The following GUCA1C variants were observed in gnomAD, a reference collection of about 807,000 sequenced individuals.
GUCA1C encodes guanylate cyclase activator 1C, also known as guanylyl cyclase-activating protein 3.
GUCA1C carries 15 observed loss-of-function variants against 16.2 expected under a neutral mutation model. That is an observed-to-expected ratio of 0.93 (90% CI 0.62 to 1.43). GUCA1C has a LOEUF of 1.43. GUCA1C is among the 40% of genes most tolerant of loss of function. GUCA1C has a pLI of 0.00. For missense variants in GUCA1C, 275 were observed against 244.8 expected (o/e 1.12, Z -0.82); for synonymous variants, 78 against 85.4 (o/e 0.91, Z 0.48).
chr3:108,946,877 C>T (rs988854453), intron 1 of GUCA1C, among the ~76,000 whole-genome samples: 1 of 98,622 alleles, frequency 1.0e-5, no homozygotes, highest in African/African-American at 3.9e-5. Flanking sequence ...GATCCTAGCT[C>T]AAATCAAGAA....
chr3:108,912,516 T>C (rs1311432869), intron 3 of GUCA1C, among the ~76,000 whole-genome samples: 1 of 152,024 alleles, frequency 6.6e-6, no homozygotes, highest in African/African-American at 2.4e-5. Flanking sequence ...ACTAATTTGT[T>C]AAATTATAAC....
intron 1 of GUCA1C, among the ~76,000 whole-genome samples, chr3:108,946,891 G>GAAAA (rs10607933): frequency 2.1e-5 from 2 of 96,390 alleles, no homozygotes; most frequent in Non-Finnish European, 4.1e-5. Flanking sequence ...TCAAGAATCT[G>GAAAA]AAAAAAAAAA....
chr3:108,916,858 T>C (rs887024216), intron 2 of GUCA1C, among the ~76,000 whole-genome samples: 5 of 152,188 alleles, frequency 3.3e-5, no homozygotes, highest in African/African-American at 1.2e-4. Context: ...GACATAGAAC[T>C]TCAAAATAAA....
At chr3:108,908,430 T>G (rs1213706046) in intron 3 of GUCA1C, among the ~76,000 whole-genome samples, 1 of 152,080 alleles carries the variant, frequency 6.6e-6, no homozygotes, top group African/African-American at 2.4e-5. Flanking sequence ...TTTTTACGTT[T>G]AGTTGAAAAC....
rs1257783341 is a variant in GUCA1C at position 108,943,976 on chromosome 3, A to G, written c.204+9583T>C. On this transcript the variant is annotated intron_variant, in intron 1 of 3. Coordinates refer to ENST00000261047, the MANE Select transcript of GUCA1C (RefSeq NM_005459.4). The stretch of plus-strand genomic sequence containing the variant: ...CCAATAACTTATAGAAAAAATTTTT[A>G]ATTAAATAAATAAATATAATGATAA... Among the ~76,000 whole-genome samples, 5 of 152,146 alleles carry G rather than the reference A, an allele frequency of 3.3e-5. No homozygotes were observed. In the East Asian group the frequency reaches 9.6e-4, roughly 29 times the overall value.
intron 1 of GUCA1C, among the ~76,000 whole-genome samples, chr3:108,949,006 C>A (rs1477820498): frequency 6.6e-6 from 1 of 152,056 alleles, no homozygotes; most frequent in African/African-American, 2.4e-5. Context: ...CACCACCACG[C>A]CCGGCTAATT....
intron 2 of GUCA1C, among the ~76,000 whole-genome samples, chr3:108,920,060 C>T (rs76378838): frequency 0.017 from 2,540 of 152,244 alleles, 84 homozygotes; most frequent in African/African-American, 0.059. Flanking sequence ...TCCTCACATA[C>T]CTTCATTCTT....
intron 1 of GUCA1C, among the ~76,000 whole-genome samples, chr3:108,951,906 C>T (rs1946899803): frequency 6.6e-6 from 1 of 152,184 alleles, no homozygotes; most frequent in Non-Finnish European, 1.5e-5. Context: ...GACAGCAGAT[C>T]CTTGCTTCCA....
chr3:108,940,308 G>C (rs1391054049), intron 1 of GUCA1C, among the ~76,000 whole-genome samples: 1 of 152,166 alleles, frequency 6.6e-6, no homozygotes, highest in African/African-American at 2.4e-5. Flanking sequence ...ACCCAGTACA[G>C]CGTTATAGGT....
At chr3:108,911,715 T>C (rs1407893643) in intron 3 of GUCA1C, among the ~76,000 whole-genome samples, 5 of 152,210 alleles carry the variant, frequency 3.3e-5, no homozygotes, top group Non-Finnish European at 7.4e-5. Context: ...CTTTTCACAA[T>C]ATTCCAGTCT....
intron 1 of GUCA1C, among the ~76,000 whole-genome samples, chr3:108,953,249 T>C (rs986632990): frequency 9.2e-5 from 14 of 152,214 alleles, no homozygotes; most frequent in Admixed American, 3.9e-4. Flanking sequence ...TAAATCAATC[T>C]GTACTTATTA....
chr3:108,920,644 T>G (rs1946561756), intron 1 of GUCA1C, 59 bp from the exon 2 acceptor site: 2 of 996,340 alleles, frequency 2.0e-6, no homozygotes, highest in East Asian at 2.6e-5. Flanking sequence ...TGTTTTTTAT[T>G]TGAGAACTCA....
At chr3:108,952,646 T>A (rs928024640) in intron 1 of GUCA1C, among the ~76,000 whole-genome samples, 16 of 152,148 alleles carry the variant, frequency 1.1e-4, no homozygotes, top group African/African-American at 2.2e-4. Context: ...GTTTTTTTTT[T>A]AATTTTACTC....
chr3:108,909,344 T>TACAATCG (rs1395691905), intron 3 of GUCA1C, among the ~76,000 whole-genome samples: 7 of 152,190 alleles, frequency 4.6e-5, no homozygotes, highest in African/African-American at 1.7e-4. Context: ...ACAGAAAAGG[T>TACAATCG]ACAATCGTAG....
rs147236866 is a variant in GUCA1C at position 108,920,518 on chromosome 3, T to A, written c.272A>T (p.Gln91Leu). The A allele has an allele frequency of 1.1e-4, 175 of 1,595,050 alleles. 2 individuals are homozygous for A. In the Middle Eastern group the frequency reaches 1.9e-3, roughly 17 times the overall value. Residue 91 changes from glutamine to leucine, a missense_variant, in exon 2 of 4, where the codon CAA (glutamine) becomes CTA (leucine). Gln to Leu is a moderately radical substitution (Grantham distance 113, BLOSUM62 -2). Transcript: ENST00000261047. ...CAGCTTAAAATACCATTTTAATTTT[T>A]GCTCCATTTTTTCTTGCATGATTAG... ...VNLIMQEKME[Q>L]KLKWYFKLYD...
At chr3:108,917,826 A>G (rs1946532576) in intron 2 of GUCA1C, among the ~76,000 whole-genome samples, 1 of 152,116 alleles carries the variant, frequency 6.6e-6, no homozygotes, top group Admixed American at 6.5e-5. Context: ...TGGGCGGATC[A>G]CGAGGTCAGG....
chr3:108,941,141 C>T (rs370895409), intron 1 of GUCA1C, among the ~76,000 whole-genome samples: 1 of 152,128 alleles, frequency 6.6e-6, no homozygotes, highest in Non-Finnish European at 1.5e-5. Flanking sequence ...TGTAGGTAAA[C>T]CATCATCACA....
intron 1 of GUCA1C, 58 bp downstream of exon 1, chr3:108,953,501 A>T: frequency 8.8e-7 from 1 of 1,139,326 alleles, no homozygotes; most frequent in Non-Finnish European, 1.3e-6. Flanking sequence ...AAAAAAAAAA[A>T]AGGGAAGAGT....
intron 1 of GUCA1C, among the ~76,000 whole-genome samples, chr3:108,939,379 G>A (rs1188160980): frequency 8.8e-6 from 1 of 113,176 alleles, no homozygotes; most frequent in African/African-American, 3.4e-5. Context: ...TCACCCAGGT[G>A]GGAGTGCAGT....
Sources: gnomAD v4.1 joint callset for allele counts (sites outside exome capture counted in the v4.1 genomes callset) on GRCh38, gnomAD v4.1.1 for gene constraint, MANE v1.5 for transcripts, NCBI Gene and HGNC (gene_info 2026-07-23, HGNC 2026-07-21) for gene names.